The following SHISA9 variants were observed in gnomAD, a reference collection of about 807,000 sequenced individuals.
SHISA9 encodes protein shisa-9.
In SHISA9, 13 loss-of-function variants were observed where a neutral mutation model predicts 38.0. The observed-to-expected ratio is 0.34, with a 90% CI of 0.22 to 0.54. The LOEUF (loss-of-function observed/expected upper bound fraction) is 0.54, where lower values mean the gene tolerates loss of function less well. Among genes scored for constraint, SHISA9 ranks in the 20% least tolerant of loss-of-function variants. SHISA9 has a pLI of 0.91. For synonymous variants in SHISA9, 275 were observed against 242.0 expected (o/e 1.14, Z -1.27); for missense variants, 538 against 575.8 (o/e 0.93, Z 0.67).
chr16:13,083,376 C>T (rs1245891420), intron 2 of SHISA9, among the ~76,000 whole-genome samples: 2 of 152,102 alleles, frequency 1.3e-5, no homozygotes, highest in Admixed American at 6.6e-5. Flanking sequence ...ATGATGTATG[C>T]AAAACAAGAG....
In SHISA9 at chr16:13,019,940, T is replaced by G. The variant is rs1204999900; in HGVS notation, c.691+103125T>G. ...CTTTCTTTCTTTCTTTCTTTCTTTC[T>G]TTCTTTCTTTCTTTCTTTCCCTCCT... On this transcript the variant is annotated intron_variant, in intron 2 of 4. Coordinates refer to ENST00000558583, the MANE Select transcript of SHISA9 (RefSeq NM_001145204.3). 2.1e-3 allele frequency among the ~76,000 whole-genome samples: 167 copies of G among 78,104 alleles called. 4 individuals carry two copies. The Middle Eastern group carries it at 0.027, about 13-fold the overall frequency. The allele number at this position is 78,104 out of a possible 152,430, so 51.2% of individuals were successfully genotyped here. A position where few individuals can be genotyped will look rare whatever the true frequency, so the allele number is the denominator to read the frequency against.
chr16:13,545,565 C>T, the SHISA9 span, among the ~76,000 whole-genome samples: 1 of 152,150 alleles, frequency 6.6e-6, no homozygotes, highest in Non-Finnish European at 1.5e-5. Context: ...TGGAAGCAGC[C>T]ATTGTTTCAA....
chr16:13,031,015 A>G (rs2072984145), intron 2 of SHISA9, among the ~76,000 whole-genome samples: 1 of 152,214 alleles, frequency 6.6e-6, no homozygotes, highest in East Asian at 1.9e-4. Flanking sequence ...TGCAAGGCTT[A>G]GAAGCCTGAG....
At chr16:13,535,718 C>G in the SHISA9 span, among the ~76,000 whole-genome samples, 1 of 152,164 alleles carries the variant, frequency 6.6e-6, no homozygotes, top group Non-Finnish European at 1.5e-5. Context: ...TCTTGGTAGT[C>G]TTTCTTCCAT....
At chr16:13,157,806 C>A (rs2050560441) in intron 2 of SHISA9, among the ~76,000 whole-genome samples, 1 of 152,214 alleles carries the variant, frequency 6.6e-6, no homozygotes, top group Non-Finnish European at 1.5e-5. Context: ...TTCATTCCCA[C>A]TCTCAGTCTC....
intron 2 of SHISA9, among the ~76,000 whole-genome samples, chr16:12,957,426 G>A (rs2071851124): frequency 6.6e-6 from 1 of 152,106 alleles, no homozygotes; most frequent in Non-Finnish European, 1.5e-5. Flanking sequence ...GCGTGGTTGG[G>A]TTCTGGTGAG....
chr16:13,388,295 C>T, the SHISA9 span, among the ~76,000 whole-genome samples: 13 of 151,344 alleles, frequency 8.6e-5, no homozygotes, highest in African/African-American at 2.9e-4. Context: ...AGTGGGAAAT[C>T]CCAGAATTTG....
chr16:13,315,269 A>G, the SHISA9 span, among the ~76,000 whole-genome samples: 2 of 152,366 alleles, frequency 1.3e-5, no homozygotes, highest in East Asian at 3.9e-4. Context: ...TGTCTTTAAA[A>G]GGAGACACAT....
At chr16:13,165,525 T>C (rs1178745855) in intron 2 of SHISA9, among the ~76,000 whole-genome samples, 1 of 152,246 alleles carries the variant, frequency 6.6e-6, no homozygotes, top group Non-Finnish European at 1.5e-5. Context: ...TGTTTGAATT[T>C]GGCAACAGCC....
intron 4 of SHISA9, 130 bp downstream of exon 4, chr16:13,213,430 A>C (rs1035319429): frequency 1.4e-6 from 1 of 739,970 alleles, no homozygotes; most frequent in Admixed American, 2.4e-5. Flanking sequence ...TGGCATCTGC[A>C]AGTCCGTCTA....
chr16:13,082,898 CCTT>C (rs2141937974), intron 2 of SHISA9, among the ~76,000 whole-genome samples: 1 of 152,316 alleles, frequency 6.6e-6, no homozygotes, highest in Admixed American at 6.5e-5. Context: ...AAAACCCTTT[CCTT>C]CTTAAGAGAG....
the SHISA9 span, among the ~76,000 whole-genome samples, chr16:13,303,376 A>G: frequency 6.6e-6 from 1 of 152,234 alleles, no homozygotes; most frequent in Non-Finnish European, 1.5e-5. Context: ...GTGTGATATA[A>G]AATATTATTG....
At chr16:13,231,182 C>G (rs761911315) in intron 4 of SHISA9, among the ~76,000 whole-genome samples, 2 of 152,162 alleles carry the variant, frequency 1.3e-5, no homozygotes, top group African/African-American at 2.4e-5. Flanking sequence ...ATGAAGTCAA[C>G]CATTGCTCCC....
At chr16:13,284,268 C>T in the SHISA9 span, among the ~76,000 whole-genome samples, 1 of 152,126 alleles carries the variant, frequency 6.6e-6, no homozygotes, top group Middle Eastern at 3.2e-3. Context: ...TCTCGTGCTG[C>T]CTGTTTTCCA....
At chr16:13,357,779 G>A in the SHISA9 span, among the ~76,000 whole-genome samples, 34 of 151,364 alleles carry the variant, frequency 2.2e-4, no homozygotes, top group South Asian at 8.5e-4. Context: ...AGTGGGGGTC[G>A]CAAGGTGCTC....
At chr16:13,435,643 G>A in the SHISA9 span, among the ~76,000 whole-genome samples, 6 of 152,196 alleles carry the variant, frequency 3.9e-5, no homozygotes, top group African/African-American at 1.4e-4. Context: ...ACATCCTACA[G>A]CCTCTGATGT....
chr16:13,417,392 T>C, the SHISA9 span, among the ~76,000 whole-genome samples: 1 of 151,348 alleles, frequency 6.6e-6, no homozygotes, highest in African/African-American at 2.4e-5. Context: ...AAAAAAAAAA[T>C]AAGCAGAGAC....
At chr16:13,553,882 A>G in the SHISA9 span, among the ~76,000 whole-genome samples, 8,340 of 152,228 alleles carry the variant, frequency 0.055, 389 homozygotes, top group South Asian at 0.2. Flanking sequence ...GCCCAGAAAC[A>G]TCAGAATCCA....
chr16:13,205,292 T>C (rs1015033289), intron 3 of SHISA9, among the ~76,000 whole-genome samples: 7 of 152,240 alleles, frequency 4.6e-5, no homozygotes, highest in African/African-American at 1.4e-4. Context: ...CCAAATCCTA[T>C]TTCAAATGCT....
Sources: allele counts gnomAD v4.1 joint callset (sites outside exome capture counted in the v4.1 genomes callset), GRCh38; gene constraint gnomAD v4.1.1; transcripts MANE v1.5; gene names NCBI Gene and HGNC (gene_info 2026-07-23, HGNC 2026-07-21).